KCND2: variants seen among roughly 807,000 people sequenced by gnomAD.
KCND2 encodes the protein A-type voltage-gated potassium channel KCND2.
In KCND2, 16 loss-of-function variants were observed where a neutral mutation model predicts 54.4. The ratio of observed to expected loss-of-function variants is 0.29; its 90% CI spans 0.20 to 0.45. The LOEUF (loss-of-function observed/expected upper bound fraction) is 0.45, where lower values mean the gene tolerates loss of function less well. Among genes scored for constraint, KCND2 ranks in the 20% least tolerant of loss-of-function variants. KCND2 has a pLI of 1.00. For missense variants in KCND2, 486 were observed against 824.2 expected (o/e 0.59, Z 5.02); for synonymous variants, 317 against 310.7 (o/e 1.02, Z -0.21).
intron 1 of KCND2, among the ~76,000 whole-genome samples, chr7:120,354,715 C>T (rs755653338): frequency 1.3e-5 from 2 of 152,250 alleles, no homozygotes; most frequent in Non-Finnish European, 1.5e-5. Flanking sequence ...GGCGCCACTG[C>T]GGCACTTCAG....
intron 1 of KCND2, among the ~76,000 whole-genome samples, chr7:120,483,143 G>A (rs955480789): frequency 1.2e-4 from 18 of 152,090 alleles, no homozygotes; most frequent in African/African-American, 3.6e-4. Context: ...ATGCTTTATC[G>A]ATTATGGACT....
At chr7:120,508,386 T>C (rs1803060553) in intron 1 of KCND2, among the ~76,000 whole-genome samples, 1 of 151,950 alleles carries the variant, frequency 6.6e-6, no homozygotes, top group Non-Finnish European at 1.5e-5. Context: ...TTATTTTTTG[T>C]AGCATCCCAG....
At chr7:120,605,140 T>G (rs1219904118) in intron 1 of KCND2, among the ~76,000 whole-genome samples, 1 of 152,194 alleles carries the variant, frequency 6.6e-6, no homozygotes, top group Non-Finnish European at 1.5e-5. Context: ...TTGGAAACAG[T>G]TGCACAACCA....
At chr7:120,680,380 A>G (rs893892476) in intron 1 of KCND2, among the ~76,000 whole-genome samples, 2 of 152,138 alleles carry the variant, frequency 1.3e-5, no homozygotes, top group African/African-American at 4.8e-5. Context: ...CACATGTGAT[A>G]TTCGTGATAC....
At chr7:120,617,888 T>A (rs1347739083) in intron 1 of KCND2, among the ~76,000 whole-genome samples, 3 of 152,162 alleles carry the variant, frequency 2.0e-5, no homozygotes, top group Non-Finnish European at 4.4e-5. Context: ...CTGGAGGCCA[T>A]TATCCTAAGC....
At chr7:120,424,601 T>C (rs1010410515) in intron 1 of KCND2, among the ~76,000 whole-genome samples, 3 of 152,224 alleles carry the variant, frequency 2.0e-5, no homozygotes, top group Non-Finnish European at 4.4e-5. Context: ...TATGGAGCTG[T>C]AGAGTTTCTT....
At chr7:120,493,282 T>C (rs1802809267) in intron 1 of KCND2, among the ~76,000 whole-genome samples, 1 of 151,834 alleles carries the variant, frequency 6.6e-6, no homozygotes, top group African/African-American at 2.4e-5. Flanking sequence ...ATAAGCATCC[T>C]GTAAAGCAAT....
chr7:120,491,846 A>G (rs1802784263), intron 1 of KCND2, among the ~76,000 whole-genome samples: 1 of 149,610 alleles, frequency 6.7e-6, no homozygotes, highest in South Asian at 2.1e-4. Flanking sequence ...AATAATTACC[A>G]TCTAGCAATT....
At chr7:120,729,565 A>C (rs1189305874) in intron 1 of KCND2, among the ~76,000 whole-genome samples, 10 of 152,164 alleles carry the variant, frequency 6.6e-5, no homozygotes, top group African/African-American at 2.4e-4. Context: ...TTCTCTTACC[A>C]TCTCCTCTGC....
chr7:120,504,903 G>T (rs1172472238), intron 1 of KCND2, among the ~76,000 whole-genome samples: 1 of 151,536 alleles, frequency 6.6e-6, no homozygotes, highest in Non-Finnish European at 1.5e-5. Context: ...ACGTGAGTAG[G>T]TGGGTAAATA....
intron 1 of KCND2, among the ~76,000 whole-genome samples, chr7:120,394,852 A>G (rs562696535): frequency 6.6e-6 from 1 of 152,118 alleles, no homozygotes; most frequent in South Asian, 2.1e-4. Flanking sequence ...AACCACTTAA[A>G]CCACCTAAAT....
chr7:120,510,158 C>A (rs1025378456), intron 1 of KCND2, among the ~76,000 whole-genome samples: 1 of 152,046 alleles, frequency 6.6e-6, no homozygotes, highest in Non-Finnish European at 1.5e-5. Context: ...ACTCTCCTGT[C>A]AGTGAAATAG....
chr7:120,553,654 A>G (rs1305420057), intron 1 of KCND2, among the ~76,000 whole-genome samples: 1 of 152,172 alleles, frequency 6.6e-6, no homozygotes, highest in Non-Finnish European at 1.5e-5. Flanking sequence ...CTATTTCTAA[A>G]TGGAGAAACA....
intron 1 of KCND2, among the ~76,000 whole-genome samples, chr7:120,442,594 G>C (rs1801960338): frequency 1.3e-5 from 2 of 151,924 alleles, no homozygotes; most frequent in African/African-American, 2.4e-5. Flanking sequence ...TGAACATCAT[G>C]ATTTATGTAG....
intron 1 of KCND2, among the ~76,000 whole-genome samples, chr7:120,441,680 A>G (rs1339572771): frequency 6.6e-6 from 1 of 152,158 alleles, no homozygotes; most frequent in Non-Finnish European, 1.5e-5. Context: ...TCCTGTATCT[A>G]GTTAGACAAC....
In KCND2 at chr7:120,325,895, A is replaced by G. The variant is rs2116338958; in HGVS notation, c.1115+50148A>G. 3.3e-5 allele frequency among the ~76,000 whole-genome samples: 5 copies of G among 152,214 alleles called. No individual in the cohort carries two copies. The South Asian group carries it at 1.0e-3, about 32-fold the overall frequency. On this transcript the variant is annotated intron_variant, in intron 1 of 5. Transcript: ENST00000331113. ...CCCTGTATTCACAGCAGGAGAAGAA[A>G]GCTGACATCAAAGGGAAAGCAGGAG...
At chr7:120,318,772 A>G (rs1799850619) in intron 1 of KCND2, among the ~76,000 whole-genome samples, 1 of 152,110 alleles carries the variant, frequency 6.6e-6, no homozygotes, top group African/African-American at 2.4e-5. Context: ...TGAAGTTCAT[A>G]TTGAATACTA....
At chr7:120,304,668 A>G (rs577654027) in intron 1 of KCND2, among the ~76,000 whole-genome samples, 2 of 152,038 alleles carry the variant, frequency 1.3e-5, no homozygotes, top group South Asian at 2.1e-4. Context: ...CTCCTTCCAT[A>G]TTTCTCTTCT....
At chr7:120,613,874 T>A (rs1286289638) in intron 1 of KCND2, among the ~76,000 whole-genome samples, 2 of 152,208 alleles carry the variant, frequency 1.3e-5, no homozygotes, top group Admixed American at 6.5e-5. Context: ...ACATATTAAC[T>A]ATTTTTTGCC....
Sources: gnomAD v4.1 joint callset for allele counts (sites outside exome capture counted in the v4.1 genomes callset) on GRCh38, gnomAD v4.1.1 for gene constraint, MANE v1.5 for transcripts, NCBI Gene and HGNC (gene_info 2026-07-23, HGNC 2026-07-21) for gene names.